Variants in SGK3 observed in about 807,000 individuals in gnomAD.
SGK3 encodes serine/threonine-protein kinase Sgk3.
In SGK3, 47 loss-of-function variants were observed where a neutral mutation model predicts 68.5. The observed-to-expected ratio is 0.69, with a 90% confidence interval of 0.54 to 0.87. The LOEUF (loss-of-function observed/expected upper bound fraction) is 0.87. Ranked by LOEUF, SGK3 falls within the 40% of genes least tolerant of loss-of-function variation. The probability of loss-of-function intolerance (pLI) is 0.00; values close to 1 mark genes in which losing one functional copy is unlikely to be tolerated. For missense variants in SGK3, 479 were observed against 575.5 expected (o/e 0.83, Z 1.72); for synonymous variants, 181 against 189.1 (o/e 0.96, Z 0.35).
chr8:66,731,698 C>A (rs1380404099), intron 1 of SGK3, among the ~76,000 whole-genome samples: 1 of 152,066 alleles, frequency 6.6e-6, no homozygotes, highest in Admixed American at 6.6e-5. Context: ...CCACACCTGG[C>A]TAATTTTTTG....
At chr8:66,746,060 T>C (rs1805647164) in intron 1 of SGK3, among the ~76,000 whole-genome samples, 1 of 152,198 alleles carries the variant, frequency 6.6e-6, no homozygotes, top group Non-Finnish European at 1.5e-5. Context: ...CCATAGATTA[T>C]AGCAGCAGCA....
chr8:66,753,995 G>A (rs1805903925), intron 1 of SGK3, among the ~76,000 whole-genome samples: 1 of 152,120 alleles, frequency 6.6e-6, no homozygotes, highest in Admixed American at 6.5e-5. Context: ...TATGACCTCT[G>A]AACTCCAATT....
At chr8:66,825,930 A>G (rs901253387) in intron 6 of SGK3, among the ~76,000 whole-genome samples, 1 of 152,084 alleles carries the variant, frequency 6.6e-6, no homozygotes, top group South Asian at 2.1e-4. Flanking sequence ...ACTTCAGGGG[A>G]CAAGTTGTTC....
chr8:66,792,942 TG>T (rs1807525332), intron 1 of SGK3, among the ~76,000 whole-genome samples: 1 of 152,202 alleles, frequency 6.6e-6, no homozygotes, highest in Admixed American at 6.5e-5. Context: ...TGGTGTCATG[TG>T]GTGTCAGAGT....
rs190627195 is a variant in SGK3, at chr8:66,769,715, G to T, written c.-121-23901G>T. Among the ~76,000 whole-genome samples, 817 of 151,896 alleles carry T rather than the reference G, an allele frequency of 5.4e-3. 11 individuals carry two copies. The highest frequency in any genetic ancestry group is 0.018 in the African/African-American group (735 of 41,440). ...TTTCTTTGTCTCTACTTAACTTTTT[G>T]AGTATATTACTATTGTTATTATTAT... On this transcript the variant is annotated intron_variant, in intron 1 of 16. Transcript: ENST00000521198.
chr8:66,727,425 A>G (rs1315247307), intron 1 of SGK3, among the ~76,000 whole-genome samples: 2 of 152,110 alleles, frequency 1.3e-5, no homozygotes, highest in African/African-American at 4.8e-5. Context: ...ACATTATCCT[A>G]TGATTCTCTT....
chr8:66,847,272 G>A lies in SGK3; in HGVS notation c.1154G>A (p.Ser385Asn), dbSNP rs756578171. 7.4e-6 allele frequency: 12 copies of A among 1,613,624 alleles called. No homozygotes were observed. Among genetic ancestry groups the A allele is most frequent in the Non-Finnish European group, 8.5e-7 (1 of 1,179,938 alleles). ...HKPLSLRPGV[S>N]LTAWSILEEL... Reference sequence around the variant, plus strand: ...CCCCTAAGTTTGAGGCCAGGAGTGAGTCTTACAGCCTGGTCCATTCTGGAA... The same window carrying A: ...CCCCTAAGTTTGAGGCCAGGAGTGAATCTTACAGCCTGGTCCATTCTGGAA... Residue 385 changes from serine to asparagine, a missense_variant, in exon 15 of 17, where the codon AGT becomes AAT. By Grantham distance (46) the Ser-to-Asn change is conservative. Coordinates refer to ENST00000521198, the MANE Select transcript of SGK3 (RefSeq NM_001033578.3).
chr8:66,817,766 A>G (rs1210402063), intron 5 of SGK3, among the ~76,000 whole-genome samples: 1 of 152,240 alleles, frequency 6.6e-6, no homozygotes, highest in Non-Finnish European at 1.5e-5. Context: ...TTTTCTGAGC[A>G]TATTGTCAGT....
At chr8:66,800,184 A>G (rs1036009297) in intron 3 of SGK3, among the ~76,000 whole-genome samples, 1 of 151,816 alleles carries the variant, frequency 6.6e-6, no homozygotes, top group African/African-American at 2.4e-5. Flanking sequence ...TACTAAAAAT[A>G]CAAAAAATTA....
At chr8:66,815,610 G>T (rs1406290954) in intron 5 of SGK3, among the ~76,000 whole-genome samples, 1 of 152,138 alleles carries the variant, frequency 6.6e-6, no homozygotes, top group Admixed American at 6.5e-5. Context: ...TTACTGGCTT[G>T]TGTGAAATGT....
chr8:66,749,347 A>T (rs1805745574), intron 1 of SGK3, among the ~76,000 whole-genome samples: 1 of 151,968 alleles, frequency 6.6e-6, no homozygotes, highest in Non-Finnish European at 1.5e-5. Context: ...CTCCATCTCT[A>T]CCCACTACAC....
At chr8:66,829,912 G>A (rs1164344551) in intron 7 of SGK3, among the ~76,000 whole-genome samples, 4 of 144,908 alleles carry the variant, frequency 2.8e-5, no homozygotes, top group Non-Finnish European at 4.5e-5. Flanking sequence ...TCGCTCTGTC[G>A]CCTAGGCGGG....
chr8:66,811,147 C>T (rs946710943), intron 4 of SGK3, among the ~76,000 whole-genome samples: 6 of 152,124 alleles, frequency 3.9e-5, no homozygotes, highest in African/African-American at 1.4e-4. Context: ...TGCTGAGTAG[C>T]TAGGACTACA....
chr8:66,855,217 G>A (rs1395795694), intron 16 of SGK3, among the ~76,000 whole-genome samples: 1 of 152,074 alleles, frequency 6.6e-6, no homozygotes, highest in Non-Finnish European at 1.5e-5. Context: ...TTGATTGATT[G>A]ATTGAGACAG....
intron 1 of SGK3, among the ~76,000 whole-genome samples, chr8:66,770,358 GA>G (rs1450372858): frequency 2.0e-5 from 3 of 152,272 alleles, no homozygotes; most frequent in Non-Finnish European, 4.4e-5. Flanking sequence ...CAGACATTGT[GA>G]TTTTTTTCCT....
intron 1 of SGK3, among the ~76,000 whole-genome samples, chr8:66,751,688 T>C (rs1183017723): frequency 6.6e-6 from 1 of 152,118 alleles, no homozygotes; most frequent in Non-Finnish European, 1.5e-5. Context: ...TGCTTCACTA[T>C]AAGAAAGAAT....
rs994809335 is a variant in SGK3, at chr8:66,762,789, C to A, written c.-121-30827C>A. ...AATTTATGTAATAAAGAAACCAGGT[C>A]ATTTAGCCTGTAGGATCTCCCACTA... is the stretch of plus-strand genomic sequence containing the variant. On this transcript the variant is annotated intron_variant, in intron 1 of 16. Coordinates refer to ENST00000521198, the MANE Select transcript of SGK3 (RefSeq NM_001033578.3). Among the ~76,000 whole-genome samples the A allele has an allele frequency of 1.3e-4, 20 of 152,134 alleles. 2 individuals are homozygous for A. The highest frequency in any genetic ancestry group is 1.2e-3 in the Admixed American group (19 of 15,272).
intron 1 of SGK3, among the ~76,000 whole-genome samples, chr8:66,761,811 C>G (rs1316829301): frequency 2.0e-5 from 3 of 152,002 alleles, no homozygotes; most frequent in Admixed American, 2.0e-4. Flanking sequence ...AAAAAACCCA[C>G]CTTTTTATTA....
chr8:66,858,220 C>G (rs1192533380), intron 16 of SGK3, among the ~76,000 whole-genome samples: 2 of 152,102 alleles, frequency 1.3e-5, no homozygotes, highest in African/African-American at 4.8e-5. Context: ...AATTCCAGCA[C>G]TTTGGGAGGC....
Sources: gnomAD v4.1 joint callset for allele counts (sites outside exome capture counted in the v4.1 genomes callset) on GRCh38, gnomAD v4.1.1 for gene constraint, MANE v1.5 for transcripts, NCBI Gene and HGNC (gene_info 2026-07-23, HGNC 2026-07-21) for gene names.